Variants in LHFPL1 observed in about 807,000 individuals in gnomAD.
The protein encoded by LHFPL1 is LHFPL tetraspan subfamily member 1 protein.
A neutral mutation model predicts 12.1 loss-of-function variants in LHFPL1; 4 were observed. The observed-to-expected ratio is 0.33, with a 90% confidence interval of 0.16 to 0.76. LHFPL1 has a LOEUF of 0.76. Ranked by LOEUF, LHFPL1 falls within the 30% of genes least tolerant of loss-of-function variation. The pLI is 0.61. For synonymous variants in LHFPL1, 52 were observed against 61.9 expected (o/e 0.84, Z 0.75); for missense variants, 141 against 174.1 (o/e 0.81, Z 1.07).
At chrX:112,652,939 G>A (rs923559303) in intron 3 of LHFPL1, among the ~76,000 whole-genome samples, 1 of 111,704 alleles carries the variant, frequency 9.0e-6, no homozygotes, top group African/African-American at 3.3e-5. Context: ...ATTCAAGATT[G>A]TAGTTACTTC....
chrX:112,671,510 A>G, intron 1 of LHFPL1, 106 bp from the exon 2 acceptor site: 10 of 1,175,620 alleles, frequency 8.5e-6, no homozygotes, highest in South Asian at 1.9e-5. Flanking sequence ...CTGGGGCTCA[A>G]TTATGTGCCA....
At chrX:112,633,448 A>G (rs980177117) in intron 3 of LHFPL1, among the ~76,000 whole-genome samples, 25 of 112,460 alleles carry the variant, frequency 2.2e-4, no homozygotes, top group Non-Finnish European at 4.3e-4. Flanking sequence ...GTACGCATAT[A>G]CTTTCCACTA....
intron 2 of LHFPL1, among the ~76,000 whole-genome samples, chrX:112,669,788 G>C (rs1931441199): frequency 1.8e-5 from 2 of 111,429 alleles, no homozygotes; most frequent in Non-Finnish European, 3.8e-5. Flanking sequence ...CCTTCCCCAA[G>C]TTGTGACAAT....
chrX:112,650,552 C>A (rs1298633563), intron 3 of LHFPL1, among the ~76,000 whole-genome samples: 1 of 110,856 alleles, frequency 9.0e-6, no homozygotes, highest in Non-Finnish European at 1.9e-5. Flanking sequence ...GTTGGTTACA[C>A]CTTCTTTTTT....
intron 1 of LHFPL1, among the ~76,000 whole-genome samples, chrX:112,677,472 T>C (rs780930891): frequency 2.7e-5 from 3 of 110,857 alleles, no homozygotes; most frequent in Non-Finnish European, 5.7e-5. Flanking sequence ...CTGCCAATCC[T>C]GTTACAAATA....
At chrX:112,673,011 T>C (rs1405321378) in intron 1 of LHFPL1, among the ~76,000 whole-genome samples, 1 of 111,544 alleles carries the variant, frequency 9.0e-6, no homozygotes, top group African/African-American at 3.3e-5. Context: ...GGCCAGTACT[T>C]TTCTACCACA....
At chrX:112,648,352 G>A (rs1930757584) in intron 3 of LHFPL1, among the ~76,000 whole-genome samples, 1 of 111,334 alleles carries the variant, frequency 9.0e-6, no homozygotes, top group African/African-American at 3.3e-5. Flanking sequence ...TTAATAATGT[G>A]GTTTAGGGAC....
At chrX:112,656,332 T>G (rs1429136495) in intron 3 of LHFPL1, among the ~76,000 whole-genome samples, 6 of 111,012 alleles carry the variant, frequency 5.4e-5, no homozygotes, top group African/African-American at 2.0e-4. Flanking sequence ...GTGAACACAA[T>G]CAGCAAACTA....
intron 2 of LHFPL1, among the ~76,000 whole-genome samples, chrX:112,669,614 A>G (rs1931433631): frequency 1.8e-5 from 2 of 112,259 alleles, no homozygotes; most frequent in South Asian, 7.4e-4. Context: ...TTTCATAATC[A>G]AGCCAGGAAA....
chrX:112,659,782 T>C (rs1231672729), intron 3 of LHFPL1, among the ~76,000 whole-genome samples: 1 of 111,992 alleles, frequency 8.9e-6, no homozygotes, highest in Non-Finnish European at 1.9e-5. Context: ...TGAAGAACAC[T>C]GGACATTTGA....
intron 2 of LHFPL1, among the ~76,000 whole-genome samples, chrX:112,670,619 G>A (rs753939968): frequency 3.6e-5 from 4 of 112,550 alleles, no homozygotes; most frequent in Non-Finnish European, 5.6e-5. Flanking sequence ...ACTGTTCTCT[G>A]AGATAACTAC....
intron 3 of LHFPL1, among the ~76,000 whole-genome samples, chrX:112,636,505 C>T (rs1470692811): frequency 8.9e-6 from 1 of 111,768 alleles, no homozygotes; most frequent in Non-Finnish European, 1.9e-5. Context: ...ATGGAATTTC[C>T]TCCCTTAAGA....
chrX:112,634,137 C>T (rs1470241027), intron 3 of LHFPL1, among the ~76,000 whole-genome samples: 2 of 111,960 alleles, frequency 1.8e-5, no homozygotes, highest in Non-Finnish European at 3.8e-5. Flanking sequence ...TAATATGAGG[C>T]TCCGGTGATA....
intron 1 of LHFPL1, among the ~76,000 whole-genome samples, chrX:112,675,276 T>A (rs1184939087): frequency 1.3e-4 from 14 of 110,973 alleles, no homozygotes; most frequent in South Asian, 3.8e-4. Flanking sequence ...AAAAATAAAA[T>A]TTTTTAAAAA....
At chrX:112,634,999 C>T (rs1171462081) in intron 3 of LHFPL1, among the ~76,000 whole-genome samples, 1 of 112,318 alleles carries the variant, frequency 8.9e-6, no homozygotes, top group African/African-American at 3.2e-5. Context: ...TTAAGAACTA[C>T]CTTACCATTT....
At chrX:112,649,765 T>A (rs1381242129) in intron 3 of LHFPL1, among the ~76,000 whole-genome samples, 1 of 111,818 alleles carries the variant, frequency 8.9e-6, no homozygotes, top group Non-Finnish European at 1.9e-5. Flanking sequence ...GATTTTGTTA[T>A]TTATATGTAT....
chrX:112,657,338 C>T (rs1931036422), intron 3 of LHFPL1, among the ~76,000 whole-genome samples: 2 of 111,839 alleles, frequency 1.8e-5, no homozygotes, highest in Admixed American at 1.9e-4. Flanking sequence ...GATTGGAAAA[C>T]TTCATATTAT....
intron 3 of LHFPL1, among the ~76,000 whole-genome samples, chrX:112,633,815 T>G (rs1205575902): frequency 8.9e-6 from 1 of 111,830 alleles, no homozygotes; most frequent in East Asian, 2.8e-4. Flanking sequence ...AGAAGCCTCC[T>G]TTGAGAAAGG....
chrX:112,666,813 T>G (rs773256362), intron 2 of LHFPL1, among the ~76,000 whole-genome samples: 27 of 111,534 alleles, frequency 2.4e-4, no homozygotes, highest in African/African-American at 8.5e-4. Flanking sequence ...AGGTAATTCT[T>G]AATCCAAGCG....
Sources: gnomAD v4.1 joint callset for allele counts (sites outside exome capture counted in the v4.1 genomes callset) on GRCh38, gnomAD v4.1.1 for gene constraint, MANE v1.5 for transcripts, NCBI Gene and HGNC (gene_info 2026-07-23, HGNC 2026-07-21) for gene names.